OPCML: variants seen among roughly 807,000 people sequenced by gnomAD.
The protein encoded by OPCML is opioid binding protein/cell adhesion molecule like.
Under a neutral mutation model 37.8 loss-of-function variants are expected in OPCML, and 13 were observed. That is an observed-to-expected ratio of 0.34 (90% CI 0.22 to 0.55). The LOEUF is 0.55. Ranked by LOEUF, OPCML falls within the 20% of genes least tolerant of loss-of-function variation. OPCML has a pLI of 0.91. For synonymous variants in OPCML, 176 were observed against 168.8 expected (o/e 1.04, Z -0.33); for missense variants, 341 against 435.6 (o/e 0.78, Z 1.93).
intron 3 of OPCML, among the ~76,000 whole-genome samples, chr11:132,621,169 C>G (rs978557071): frequency 6.6e-6 from 1 of 152,216 alleles, no homozygotes; most frequent in Non-Finnish European, 1.5e-5. Context: ...TACTGTCTTG[C>G]TGAGGATGCA....
chr11:133,114,401 A>G (rs1266002576), intron 1 of OPCML, among the ~76,000 whole-genome samples: 1 of 152,012 alleles, frequency 6.6e-6, no homozygotes, highest in Non-Finnish European at 1.5e-5. Context: ...ACAAAATCCT[A>G]TCAGCACTAC....
intron 1 of OPCML, among the ~76,000 whole-genome samples, chr11:132,987,818 C>T (rs1187917651): frequency 1.3e-5 from 2 of 152,156 alleles, no homozygotes; most frequent in Non-Finnish European, 2.9e-5. Context: ...TCACCCTGGT[C>T]CCCCACAAAA....
chr11:133,412,404 A>G (rs916729277), intron 1 of OPCML, among the ~76,000 whole-genome samples: 3 of 152,156 alleles, frequency 2.0e-5, no homozygotes, highest in Non-Finnish European at 4.4e-5. Context: ...AGGGTCAGAG[A>G]GCATGTGGCA....
intron 3 of OPCML, among the ~76,000 whole-genome samples, chr11:132,543,775 C>A (rs897469435): frequency 3.3e-5 from 5 of 152,054 alleles, no homozygotes; most frequent in Admixed American, 3.3e-4. Flanking sequence ...TTTTTTCCCC[C>A]ACTCACTATC....
chr11:132,817,348 A>G (rs76480577), intron 2 of OPCML, among the ~76,000 whole-genome samples: 186 of 152,298 alleles, frequency 1.2e-3, no homozygotes, highest in African/African-American at 4.3e-3. Context: ...AGGCCAGTAT[A>G]TACAATTTTA....
chr11:133,268,961 C>G (rs926449322), intron 1 of OPCML, among the ~76,000 whole-genome samples: 2 of 152,158 alleles, frequency 1.3e-5, no homozygotes, highest in Non-Finnish European at 2.9e-5. Context: ...GCAGACCCAA[C>G]TATATCATGT....
At chr11:133,140,585 A>AG (rs1949764020) in intron 1 of OPCML, among the ~76,000 whole-genome samples, 2 of 128,328 alleles carry the variant, frequency 1.6e-5, no homozygotes, top group Admixed American at 8.1e-5. Context: ...AGAAAGAAGA[A>AG]AAAAGAAAGA....
intron 3 of OPCML, among the ~76,000 whole-genome samples, chr11:132,548,600 G>A (rs987551150): frequency 1.3e-5 from 2 of 152,316 alleles, no homozygotes; most frequent in Admixed American, 6.5e-5. Context: ...CAGAGCCAGC[G>A]AGGAATAAGC....
intron 3 of OPCML, among the ~76,000 whole-genome samples, chr11:132,637,498 C>G (rs1940582665): frequency 6.6e-6 from 1 of 152,114 alleles, no homozygotes; most frequent in African/African-American, 2.4e-5. Context: ...GTCTAAGTTT[C>G]CCTTGTTCAG....
chr11:132,845,969 C>T (rs563825968), intron 2 of OPCML, among the ~76,000 whole-genome samples: 5 of 152,256 alleles, frequency 3.3e-5, no homozygotes, highest in Non-Finnish European at 7.4e-5. Flanking sequence ...GGACACTTAA[C>T]TTTGACTTTT....
intron 4 of OPCML, among the ~76,000 whole-genome samples, chr11:132,478,725 AGTTT>A (rs2096166365): frequency 6.6e-6 from 1 of 152,132 alleles, no homozygotes; most frequent in Non-Finnish European, 1.5e-5. Context: ...AAAGTTCTTA[AGTTT>A]GTTTGTGGTC....
intron 3 of OPCML, among the ~76,000 whole-genome samples, chr11:132,559,207 A>G (rs2096404981): frequency 6.6e-6 from 1 of 152,090 alleles, no homozygotes; most frequent in Admixed American, 6.5e-5. Context: ...GGGAGGAAGG[A>G]GAACATGCAG....
rs541774040 is a variant in OPCML at position 133,460,785 on chromosome 11, G to A, written c.61+71479C>T. Among the ~76,000 whole-genome samples the A allele has an allele frequency of 2.2e-3, 328 of 151,924 alleles. 1 individual carries two copies. Among genetic ancestry groups the A allele is most frequent in the African/African-American group, 7.4e-3 (306 of 41,508 alleles). ...ACTTAACGAATTAACACCTTAAACCGTTCCAAAAAATTGAAGAGGAAGGAA... is the reference window on the plus strand; with the variant it reads ...ACTTAACGAATTAACACCTTAAACCATTCCAAAAAATTGAAGAGGAAGGAA... On this transcript the variant is annotated intron_variant, in intron 1 of 7. Coordinates refer to ENST00000524381, the MANE Select transcript of OPCML (RefSeq NM_001012393.5).
chr11:133,180,551 C>T (rs1364551077), intron 1 of OPCML, among the ~76,000 whole-genome samples: 1 of 152,110 alleles, frequency 6.6e-6, no homozygotes, highest in Admixed American at 6.5e-5. Context: ...CTGCTCCCTC[C>T]ACAGCGTAGG....
intron 1 of OPCML, among the ~76,000 whole-genome samples, chr11:133,033,765 A>G (rs933444181): frequency 2.6e-5 from 4 of 152,218 alleles, no homozygotes; most frequent in Non-Finnish European, 5.9e-5. Flanking sequence ...GCTAGTGGTT[A>G]TAGATATCCA....
chr11:133,397,139 T>G (rs1009896492), intron 1 of OPCML, among the ~76,000 whole-genome samples: 4 of 152,152 alleles, frequency 2.6e-5, no homozygotes, highest in African/African-American at 7.2e-5. Flanking sequence ...TGGTTAATAT[T>G]TATGGGTCAT....
intron 1 of OPCML, among the ~76,000 whole-genome samples, chr11:132,978,388 G>T (rs780322491): frequency 5.9e-5 from 9 of 152,136 alleles, no homozygotes; most frequent in Non-Finnish European, 7.3e-5. Flanking sequence ...TTGGTAGCAG[G>T]GAGGCCAATC....
intron 1 of OPCML, among the ~76,000 whole-genome samples, chr11:133,047,127 A>G (rs1948032093): frequency 6.6e-6 from 1 of 152,222 alleles, no homozygotes; most frequent in Admixed American, 6.5e-5. Context: ...GAGGAAACTC[A>G]GGAGAACAAA....
intron 2 of OPCML, among the ~76,000 whole-genome samples, chr11:132,933,313 C>T (rs1200327827): frequency 6.6e-6 from 1 of 152,120 alleles, no homozygotes; most frequent in Admixed American, 6.5e-5. Flanking sequence ...ATTATGTGAC[C>T]TTGATGAAGG....
Sources: allele counts gnomAD v4.1 joint callset (sites outside exome capture counted in the v4.1 genomes callset), GRCh38; gene constraint gnomAD v4.1.1; transcripts MANE v1.5; gene names NCBI Gene and HGNC (gene_info 2026-07-23, HGNC 2026-07-21).